COX15: variants seen among roughly 807,000 people sequenced by gnomAD.
COX15 encodes heme A synthase COX15.
COX15 carries 51 observed loss-of-function variants against 51.9 expected under a neutral mutation model. The ratio of observed to expected loss-of-function variants is 0.98; its 90% CI spans 0.78 to 1.24. COX15 has a LOEUF of 1.24. Ranked by LOEUF, COX15 falls within the 50% of genes most tolerant of loss-of-function variation. COX15 has a pLI of 0.00. For missense variants in COX15, 420 were observed against 501.1 expected, an observed-to-expected ratio of 0.84 and a Z score of 1.55; for synonymous variants, 188 against 190.5, an observed-to-expected ratio of 0.99 and a Z score of 0.11.
downstream of COX15, chr10:99,708,740 C>G: frequency 1.3e-6 from 1 of 755,572 alleles, no homozygotes; most frequent in Non-Finnish European, 1.6e-6. Context: ...AGCTTCTGGT[C>G]AACCCCCTTG....
rs781225168 is a variant in COX15, at chr10:99,714,641, A to G, written c.1179T>C (p.Ala393=). 38 of 1,614,054 alleles carry G rather than the reference A, an allele frequency of 2.4e-5. No individual in the cohort carries two copies. Among genetic ancestry groups the G allele is most frequent in the South Asian group, 1.3e-4 (12 of 91,088 alleles). The part of the protein sequence containing the change: ...LAATHQSGSL[A]LLTGALWLMN... ...TCAGCCAAAGAGCACCAGTGAGCAA[A>G]GCCAAGGAGCCTGACTGGTGAGTGG... Residue 393 remains alanine (A), a synonymous_variant, in exon 9 of 9, where the codon GCT becomes GCC. Transcript: ENST00000016171.
chr10:99,694,423 T>C, the COX15 span, among the ~76,000 whole-genome samples: 1 of 152,250 alleles, frequency 6.6e-6, no homozygotes, highest in Non-Finnish European at 1.5e-5. Flanking sequence ...TGCTGTATTT[T>C]GTTTATCCAT....
chr10:99,730,008 ATT>A (rs2037086749), intron 1 of COX15, among the ~76,000 whole-genome samples: 1 of 152,078 alleles, frequency 6.6e-6, no homozygotes, highest in Admixed American at 6.5e-5. Flanking sequence ...GATATGGAAT[ATT>A]TTCTTTCACC....
rs1222810270 is a variant in COX15, at chr10:99,712,069, C to T, written c.*2518G>A. 3.2e-6 allele frequency: 1 copy of T among 307,964 alleles called. No individual in the cohort carries two copies. Among genetic ancestry groups the T allele is most frequent in the Non-Finnish European group, 4.7e-6 (1 of 211,070 alleles). 19.1% of individuals were successfully genotyped at this position (307,964 alleles called of 1,614,324 possible). On this transcript the variant is annotated 3_prime_UTR_variant, in exon 9 of 9. Transcript: ENST00000016171. ...CTTGCATAAACAACCAGAGTGAGAA[C>T]TCACTCATTACTATGGGGATGGCAC...
chr10:99,721,450 T>C (rs1220186141), intron 5 of COX15, among the ~76,000 whole-genome samples: 1 of 152,196 alleles, frequency 6.6e-6, no homozygotes, highest in East Asian at 1.9e-4. Context: ...CAGGACTGGA[T>C]TTTCATGTGT....
rs2036504966 is a variant in COX15, at chr10:99,714,530, G to A, written c.*57C>T. The A allele has an allele frequency of 6.2e-7, 1 of 1,612,572 alleles. No homozygotes were observed. The highest frequency in any genetic ancestry group is 8.5e-7 in the Non-Finnish European group (1 of 1,179,612). ...CTCGTAGAAAAGCCCAAGTTCTTATGATCTCTGAAGAGCTCTCAAAAGCAG... is the reference window on the plus strand; with the variant it reads ...CTCGTAGAAAAGCCCAAGTTCTTATAATCTCTGAAGAGCTCTCAAAAGCAG... On this transcript the variant is annotated 3_prime_UTR_variant, in exon 9 of 9. Coordinates refer to ENST00000016171, the MANE Select transcript of COX15 (RefSeq NM_078470.6).
At chr10:99,707,066 T>C (rs927460596), downstream of COX15, among the ~76,000 whole-genome samples, 2 of 152,260 alleles carry the variant, frequency 1.3e-5, no homozygotes, top group African/African-American at 4.8e-5. Flanking sequence ...ATGTGTATTA[T>C]TCAAATTGCT....
intron 5 of COX15, among the ~76,000 whole-genome samples, chr10:99,722,659 C>A (rs752950630): frequency 1.3e-5 from 2 of 151,842 alleles, no homozygotes; most frequent in African/African-American, 4.8e-5. Flanking sequence ...ATGGTGAAAC[C>A]CTGTCTCTAC....
rs1478490348 is a variant in COX15 at position 99,711,533 on chromosome 10, G to C, written c.*3054C>G. On this transcript the variant is annotated 3_prime_UTR_variant, in exon 9 of 9. Coordinates refer to ENST00000016171, the MANE Select transcript of COX15 (RefSeq NM_078470.6). ...GAAGGGAATGGGAATAAGCTAGTCA[G>C]AACTTTCTAAGGTAACTAGGCTATT... is the stretch of plus-strand genomic sequence containing the variant. The C allele has an allele frequency of 1.0e-6, 1 of 985,346 alleles. No homozygotes were observed. Among genetic ancestry groups the C allele is most frequent in the Non-Finnish European group, 1.2e-6 (1 of 829,946 alleles). 61.0% of individuals were successfully genotyped at this position (985,346 alleles called of 1,614,324 possible). A position where few individuals can be genotyped will look rare whatever the true frequency, so the allele number is the denominator to read the frequency against.
downstream of COX15, chr10:99,709,674 C>T: frequency 1.0e-6 from 1 of 985,370 alleles, no homozygotes; most frequent in Non-Finnish European, 1.2e-6. Context: ...TTTGGGTGTC[C>T]CATCTACCCT....
intron 1 of COX15, among the ~76,000 whole-genome samples, chr10:99,730,941 A>G (rs568866726): frequency 6.6e-6 from 1 of 152,264 alleles, no homozygotes; most frequent in East Asian, 1.9e-4. Flanking sequence ...TTGTAGTCTT[A>G]GCTACTTAAG....
chr10:99,705,442 T>G, the COX15 span: 15 of 152,380 alleles, frequency 9.8e-5, no homozygotes, highest in African/African-American at 3.6e-4. Context: ...ATTTTGCTTT[T>G]TGAGCCTTAA....
intron 2 of COX15, among the ~76,000 whole-genome samples, chr10:99,727,989 C>T (rs2037017305): frequency 6.6e-6 from 1 of 152,152 alleles, no homozygotes; most frequent in South Asian, 2.1e-4. Context: ...ATTTGTTTCA[C>T]TTGCTCATAA....
At chr10:99,722,372 G>T (rs1376774977) in intron 5 of COX15, among the ~76,000 whole-genome samples, 1 of 152,124 alleles carries the variant, frequency 6.6e-6, no homozygotes, top group African/African-American at 2.4e-5. Flanking sequence ...ATGTGTAAGT[G>T]TGGGTAAATG....
the COX15 span, among the ~76,000 whole-genome samples, chr10:99,699,837 A>G: frequency 2.0e-5 from 3 of 152,038 alleles, no homozygotes; most frequent in Non-Finnish European, 4.4e-5. Context: ...AAGTGCTGAG[A>G]TTACAGGCGT....
intron 4 of COX15, among the ~76,000 whole-genome samples, chr10:99,726,758 G>A (rs2133618594): frequency 6.6e-6 from 1 of 152,148 alleles, no homozygotes; most frequent in South Asian, 2.1e-4. Context: ...ATAGTGGCAG[G>A]TGCCTGCAGT....
At chr10:99,723,254 T>A in intron 5 of COX15, 1 of 153,068 alleles carries the variant, frequency 6.5e-6, no homozygotes, top group Non-Finnish European at 1.5e-5. Flanking sequence ...GCAATTCTCC[T>A]GCCTCAGCCT....
chr10:99,705,890 A>G (rs551070124), downstream of COX15: 40 of 152,202 alleles, frequency 2.6e-4, no homozygotes, highest in African/African-American at 9.1e-4. Context: ...TTCACCCACT[A>G]CCCTTCCAGA....
intron 4 of COX15, among the ~76,000 whole-genome samples, chr10:99,726,158 T>C (rs1698119235): frequency 6.6e-6 from 1 of 152,220 alleles, no homozygotes; most frequent in Non-Finnish European, 1.5e-5. Flanking sequence ...ATGGGTATTC[T>C]ACAATCCTTC....
Sources: allele counts gnomAD v4.1 joint callset (sites outside exome capture counted in the v4.1 genomes callset), GRCh38; gene constraint gnomAD v4.1.1; transcripts MANE v1.5; gene names NCBI Gene and HGNC (gene_info 2026-07-23, HGNC 2026-07-21).